The following KANSL1L variants were observed in gnomAD, a reference collection of about 807,000 sequenced individuals.
The protein encoded by KANSL1L is KAT8 regulatory NSL complex subunit 1-like protein.
KANSL1L carries 25 observed loss-of-function variants against 108.6 expected under a neutral mutation model. That is an observed-to-expected ratio of 0.23 (90% confidence interval 0.17 to 0.32). The LOEUF (loss-of-function observed/expected upper bound fraction) is 0.32. KANSL1L is among the 10% of genes least tolerant of loss of function. KANSL1L has a pLI of 1.00. For missense variants in KANSL1L, 1,137 were observed against 1,125.7 expected (o/e 1.01, Z -0.14); for synonymous variants, 405 against 395.1 (o/e 1.03, Z -0.30).
Position 210,049,310 on chromosome 2 carries a change from T to G in KANSL1L, c.1756-5206A>C, listed in dbSNP as rs565158581. Among the ~76,000 whole-genome samples, 3 of 132,010 alleles carry G rather than the reference T, an allele frequency of 2.3e-5. No individual in the cohort carries two copies. The South Asian group carries it at 8.1e-4, about 36-fold the overall frequency. The allele number at this position is 132,010 out of a possible 152,430, so 86.6% of individuals were successfully genotyped here. A position where few individuals can be genotyped will look rare whatever the true frequency, so the allele number is the denominator to read the frequency against. On this transcript the variant is annotated intron_variant, in intron 6 of 14. Transcript: ENST00000281772. ...CCCCCCACCCCTCCACCCACCACAC[T>G]TCTCTTTCCTCTCCCTTTCTCTTAT... is the stretch of plus-strand genomic sequence containing the variant.
intron 12 of KANSL1L, among the ~76,000 whole-genome samples, chr2:210,025,428 C>T (rs913197137): frequency 5.3e-5 from 8 of 152,038 alleles, no homozygotes; most frequent in African/African-American, 1.9e-4. Flanking sequence ...TGGTGGCAGG[C>T]GCCTGTAATC....
intron 2 of KANSL1L, among the ~76,000 whole-genome samples, chr2:210,136,759 G>A (rs953698345): frequency 1.3e-5 from 2 of 152,030 alleles, no homozygotes; most frequent in African/African-American, 2.4e-5. Flanking sequence ...ATGGGCCTGC[G>A]AAACACTATA....
At chr2:210,149,588 ATAAACT>A (rs1231223526) in intron 2 of KANSL1L, among the ~76,000 whole-genome samples, 4 of 152,052 alleles carry the variant, frequency 2.6e-5, no homozygotes, top group Non-Finnish European at 4.4e-5. Flanking sequence ...AATAACAAAA[ATAAACT>A]TAAAATAAAC....
intron 8 of KANSL1L, among the ~76,000 whole-genome samples, chr2:210,034,558 G>A (rs2094073895): frequency 6.6e-6 from 1 of 152,150 alleles, no homozygotes; most frequent in East Asian, 1.9e-4. Flanking sequence ...ATGGGGTGGG[G>A]AGCAGGTGTG....
intron 5 of KANSL1L, among the ~76,000 whole-genome samples, chr2:210,093,055 G>C (rs1227449229): frequency 1.3e-5 from 2 of 152,192 alleles, no homozygotes; most frequent in East Asian, 1.9e-4. Flanking sequence ...GGCCCTGAAA[G>C]AGAATGGTCT....
chr2:210,166,660 G>A (rs1687987891), intron 1 of KANSL1L, among the ~76,000 whole-genome samples: 1 of 151,986 alleles, frequency 6.6e-6, no homozygotes, highest in Admixed American at 6.6e-5. Flanking sequence ...CTTTTAACTG[G>A]AATCTGGATA....
intron 3 of KANSL1L, among the ~76,000 whole-genome samples, chr2:210,119,581 C>T (rs926484888): frequency 6.6e-6 from 1 of 152,070 alleles, no homozygotes; most frequent in African/African-American, 2.4e-5. Context: ...GAAAGAAGGA[C>T]AAAATCCATA....
In KANSL1L at chr2:210,070,779, C is replaced by G. The variant is rs543621772; in HGVS notation, c.1755+4773G>C. Among the ~76,000 whole-genome samples, 6 of 152,332 alleles carry G rather than the reference C, an allele frequency of 3.9e-5. No homozygotes were observed. In the South Asian group the frequency reaches 1.2e-3, roughly 32 times the overall value. The stretch of plus-strand genomic sequence containing the variant: ...TCTTTTAAGGACTAAGAGGAAGACT[C>G]TGCTAGGCCTATCCTCTATCTTCTG... On this transcript the variant is annotated intron_variant, in intron 6 of 14. Transcript: ENST00000281772.
chr2:210,069,043 C>T (rs1254914782), intron 6 of KANSL1L, among the ~76,000 whole-genome samples: 3 of 152,206 alleles, frequency 2.0e-5, no homozygotes, highest in Non-Finnish European at 4.4e-5. Context: ...CTCACTTTAT[C>T]TCTTTCCTCT....
At position 210,154,187 on chromosome 2, in the gene KANSL1L, G is replaced by A. The variant is rs2095320652; in HGVS notation, c.396C>T (p.Phe132=). The A allele has an allele frequency of 2.5e-6, 4 of 1,613,814 alleles. No individual in the cohort carries two copies. Among genetic ancestry groups the A allele is most frequent in the Non-Finnish European group, 1.7e-6 (2 of 1,179,934 alleles). ...SKICLSHSEE[F]IKKEPLSDTT... ...TATCTGATAGAGGCTCCTTTTTGATGAACTCTTCAGAATGAGAAAGACAGA... is the reference window on the plus strand; with the variant it reads ...TATCTGATAGAGGCTCCTTTTTGATAAACTCTTCAGAATGAGAAAGACAGA... The change falls in exon 2 of 15, where the codon TTC becomes TTT. Residue 132 remains phenylalanine, a synonymous_variant. Transcript: ENST00000281772.
In KANSL1L at chr2:210,087,039, T is replaced by A. The variant is rs897154942; in HGVS notation, c.1550+11047A>T. ...TTTTTTTATTTTTTATTTTATTTTT[T>A]TTTTTTTGAGACAGGATCTTGCTCT... On this transcript the variant is annotated intron_variant, in intron 5 of 14. Transcript: ENST00000281772. Among the ~76,000 whole-genome samples, 13 of 151,554 alleles carry A rather than the reference T, an allele frequency of 8.6e-5. No homozygotes were observed. The East Asian group carries it at 9.7e-4, about 11-fold the overall frequency.
chr2:210,128,704 T>C (rs1034501286), intron 3 of KANSL1L, among the ~76,000 whole-genome samples: 4 of 152,142 alleles, frequency 2.6e-5, no homozygotes, highest in African/African-American at 9.7e-5. Flanking sequence ...ATGTATTTAA[T>C]AACACAACTA....
intron 2 of KANSL1L, among the ~76,000 whole-genome samples, chr2:210,129,816 G>T (rs925948912): frequency 6.6e-6 from 1 of 151,950 alleles, no homozygotes; most frequent in African/African-American, 2.4e-5. Flanking sequence ...ACAACCTACA[G>T]ATCACAAAGA....
intron 2 of KANSL1L, among the ~76,000 whole-genome samples, chr2:210,149,392 T>C (rs1478436074): frequency 1.3e-5 from 2 of 152,102 alleles, no homozygotes; most frequent in East Asian, 1.9e-4. Flanking sequence ...GGACTTATAA[T>C]TTAAGGTAAG....
chr2:210,033,711 T>TC (rs2094058105), intron 8 of KANSL1L, among the ~76,000 whole-genome samples: 1 of 149,576 alleles, frequency 6.7e-6, no homozygotes, highest in South Asian at 2.1e-4. Flanking sequence ...TTTTTTTTTT[T>TC]GTATTTTTAG....
chr2:210,052,446 G>GTTC, intron 6 of KANSL1L, among the ~76,000 whole-genome samples: 1 of 152,136 alleles, frequency 6.6e-6, no homozygotes, highest in East Asian at 1.9e-4. Context: ...CCTTCTTGCT[G>GTTC]ATGGCTTTTC....
chr2:210,143,655 T>A (rs907776683), intron 2 of KANSL1L, among the ~76,000 whole-genome samples: 2 of 152,262 alleles, frequency 1.3e-5, no homozygotes, highest in South Asian at 4.1e-4. Context: ...GTGGTTACCA[T>A]TAGGCTTAAG....
chr2:210,060,179 A>C (rs2539014), intron 6 of KANSL1L, among the ~76,000 whole-genome samples: 59,733 of 152,128 alleles, frequency 0.39, 13,353 homozygotes, highest in Middle Eastern at 0.57. Flanking sequence ...AGGAAATGAA[A>C]ACTTTCAAAT....
At chr2:210,147,084 C>CA (rs1004707990) in intron 2 of KANSL1L, among the ~76,000 whole-genome samples, 9 of 151,404 alleles carry the variant, frequency 5.9e-5, no homozygotes, top group South Asian at 2.1e-4. Context: ...TCACGTTGCT[C>CA]AAAAAAAAGC....
Sources: gnomAD v4.1 joint callset for allele counts (sites outside exome capture counted in the v4.1 genomes callset) on GRCh38, gnomAD v4.1.1 for gene constraint, MANE v1.5 for transcripts, NCBI Gene and HGNC (gene_info 2026-07-23, HGNC 2026-07-21) for gene names.